The following GRIK2 variants were observed in gnomAD, a reference collection of about 807,000 sequenced individuals.
The protein encoded by GRIK2 is glutamate receptor ionotropic, kainate 2.
Under a neutral mutation model 100.3 loss-of-function variants are expected in GRIK2, and 32 were observed. The observed-to-expected ratio is 0.32, with a 90% CI of 0.24 to 0.43. GRIK2 has a LOEUF of 0.43. Among genes scored for constraint, GRIK2 ranks in the 20% least tolerant of loss-of-function variants. GRIK2 has a pLI of 1.00. For synonymous variants in GRIK2, 417 were observed against 389.4 expected, an observed-to-expected ratio of 1.07 and a Z score of -0.83; for missense variants, 843 against 1,114.9, an observed-to-expected ratio of 0.76 and a Z score of 3.47.
chr6:101,571,761 C>T (rs1022369398), intron 2 of GRIK2, among the ~76,000 whole-genome samples: 21 of 151,994 alleles, frequency 1.4e-4, no homozygotes, highest in African/African-American at 4.6e-4. Context: ...CAGTAGGGAA[C>T]TACCAAAATC....
intron 2 of GRIK2, among the ~76,000 whole-genome samples, chr6:101,539,543 A>T (rs1775884344): frequency 6.6e-6 from 1 of 151,828 alleles, no homozygotes; most frequent in Non-Finnish European, 1.5e-5. Flanking sequence ...TATTTGCAAT[A>T]AAGTCATCTG....
chr6:102,039,323 A>G (rs1306888316), intron 15 of GRIK2, among the ~76,000 whole-genome samples: 1 of 151,468 alleles, frequency 6.6e-6, no homozygotes, highest in Non-Finnish European at 1.5e-5. Context: ...GTGACATTAA[A>G]TTCCTTCATA....
At position 102,023,110 on chromosome 6, in the gene GRIK2, A is replaced by C. The variant is rs9485586; in HGVS notation, c.2086-12231A>C. Among the ~76,000 whole-genome samples, 511 of 151,648 alleles carry C rather than the reference A, an allele frequency of 3.4e-3. 2 individuals are homozygous for C. Among genetic ancestry groups the C allele is most frequent in the African/African-American group, 0.012 (493 of 41,452 alleles). ...GTCCAAAAAAATTAATTTAAATTTA[A>C]AATATATGGTGATCATTGGCATATT... On this transcript the variant is annotated intron_variant, in intron 14 of 16. Transcript: ENST00000369134.
At chr6:101,494,034 T>TG (rs1562177994) in intron 2 of GRIK2, among the ~76,000 whole-genome samples, 7 of 88,864 alleles carry the variant, frequency 7.9e-5, no homozygotes, top group Non-Finnish European at 1.5e-4. Context: ...ATATATATAA[T>TG]TTATTATATA....
chr6:101,806,011 A>G (rs1780982552), intron 9 of GRIK2, among the ~76,000 whole-genome samples: 1 of 152,034 alleles, frequency 6.6e-6, no homozygotes, highest in Non-Finnish European at 1.5e-5. Context: ...CTATTATAAC[A>G]GAAGCCTTAA....
chr6:101,749,764 G>GCT (rs971970513), intron 7 of GRIK2, among the ~76,000 whole-genome samples: 2 of 148,458 alleles, frequency 1.3e-5, no homozygotes, highest in Non-Finnish European at 3.0e-5. Context: ...AGCAACACAA[G>GCT]CTAACTATTG....
intron 14 of GRIK2, among the ~76,000 whole-genome samples, chr6:102,014,241 A>C (rs1488712645): frequency 1.1e-5 from 1 of 87,722 alleles, no homozygotes; most frequent in Non-Finnish European, 2.8e-5. Flanking sequence ...GGAGGTGTTC[A>C]TAATAGTCTT....
intron 7 of GRIK2, among the ~76,000 whole-genome samples, chr6:101,752,258 C>A (rs767898792): frequency 6.6e-6 from 1 of 152,086 alleles, no homozygotes; most frequent in African/African-American, 2.4e-5. Context: ...ACCTCCTCAA[C>A]GAGCCTCAAA....
At chr6:101,581,508 T>A (rs1393529151) in intron 2 of GRIK2, among the ~76,000 whole-genome samples, 1 of 152,054 alleles carries the variant, frequency 6.6e-6, no homozygotes, top group Non-Finnish European at 1.5e-5. Flanking sequence ...GTCAGTCTAG[T>A]CTTTTTATTG....
At chr6:101,456,369 G>A (rs892607228) in intron 2 of GRIK2, among the ~76,000 whole-genome samples, 11 of 151,970 alleles carry the variant, frequency 7.2e-5, no homozygotes, top group Admixed American at 2.6e-4. Context: ...ATTCAATGTT[G>A]CTTGGCTGAA....
chr6:101,587,393 T>C (rs1003901925), intron 2 of GRIK2, among the ~76,000 whole-genome samples: 1 of 151,984 alleles, frequency 6.6e-6, no homozygotes, highest in Non-Finnish European at 1.5e-5. Flanking sequence ...TCTGTCCGTC[T>C]GTCTGTCCCT....
At chr6:101,402,622 G>C (rs1474088384) in intron 2 of GRIK2, among the ~76,000 whole-genome samples, 1 of 152,188 alleles carries the variant, frequency 6.6e-6, no homozygotes, top group East Asian at 1.9e-4. Context: ...CCCCGCCTTT[G>C]ATCCTGTGTT....
chr6:101,492,058 CTTAG>C, intron 2 of GRIK2, among the ~76,000 whole-genome samples: 1 of 151,790 alleles, frequency 6.6e-6, no homozygotes, highest in East Asian at 1.9e-4. Flanking sequence ...AGGTTAATCA[CTTAG>C]TTAAGGTGGT....
chr6:101,928,370 T>A, intron 13 of GRIK2, 45 bp from the exon 14 acceptor site: 1 of 979,468 alleles, frequency 1.0e-6, no homozygotes, highest in Non-Finnish European at 1.7e-6. Context: ...TGATTGCTGA[T>A]CAAATTCTCT....
At chr6:101,568,562 T>C (rs186978410) in intron 2 of GRIK2, among the ~76,000 whole-genome samples, 70 of 152,188 alleles carry the variant, frequency 4.6e-4, no homozygotes, top group Non-Finnish European at 8.1e-4. Flanking sequence ...AAAGAAATCT[T>C]AGAATTGCAT....
At chr6:101,868,463 G>T (rs991606077) in intron 11 of GRIK2, among the ~76,000 whole-genome samples, 10 of 151,498 alleles carry the variant, frequency 6.6e-5, no homozygotes, top group African/African-American at 2.4e-4. Flanking sequence ...CGAAAAATTT[G>T]TTTATCTGTG....
At chr6:101,710,115 G>A (rs1773596295) in intron 7 of GRIK2, among the ~76,000 whole-genome samples, 1 of 151,888 alleles carries the variant, frequency 6.6e-6, no homozygotes, top group African/African-American at 2.4e-5. Flanking sequence ...GATTTGATCA[G>A]AATTACATTT....
chr6:101,476,736 G>A (rs1772254857), intron 2 of GRIK2, among the ~76,000 whole-genome samples: 1 of 152,074 alleles, frequency 6.6e-6, no homozygotes, highest in Non-Finnish European at 1.5e-5. Flanking sequence ...AAAATCATAT[G>A]TTCTGCCTCA....
intron 8 of GRIK2, among the ~76,000 whole-genome samples, chr6:101,800,286 A>G (rs577036717): frequency 9.2e-5 from 14 of 151,938 alleles, no homozygotes; most frequent in Non-Finnish European, 1.6e-4. Flanking sequence ...ATATAATGCA[A>G]CCATTCTTAT....
Sources: allele counts gnomAD v4.1 joint callset (sites outside exome capture counted in the v4.1 genomes callset), GRCh38; gene constraint gnomAD v4.1.1; transcripts MANE v1.5; gene names NCBI Gene and HGNC (gene_info 2026-07-23, HGNC 2026-07-21).